Variants in LYN observed in about 807,000 individuals in gnomAD.
LYN encodes the protein tyrosine-protein kinase Lyn.
Under a neutral mutation model 65.0 loss-of-function variants are expected in LYN, and 12 were observed. That is an observed-to-expected ratio of 0.18 (90% confidence interval 0.12 to 0.30). LYN has a LOEUF of 0.30. Ranked by LOEUF, LYN falls within the 10% of genes least tolerant of loss-of-function variation. The pLI, the probability that LYN is intolerant of heterozygous loss-of-function variation, is 1.00. For missense variants in LYN, 380 were observed against 623.2 expected (o/e 0.61, Z 4.16); for synonymous variants, 222 against 221.2 (o/e 1.00, Z -0.03).
intron 10 of LYN, among the ~76,000 whole-genome samples, chr8:55,976,480 G>A (rs531577052): frequency 6.6e-6 from 1 of 152,268 alleles, no homozygotes; most frequent in South Asian, 2.1e-4. Flanking sequence ...GGTGTGGCCC[G>A]CTCCCTTTCA....
At chr8:55,929,584 C>G (rs932239455) in intron 1 of LYN, among the ~76,000 whole-genome samples, 1 of 152,180 alleles carries the variant, frequency 6.6e-6, no homozygotes, top group Non-Finnish European at 1.5e-5. Context: ...ATTAAAACAT[C>G]AGATTTCCTG....
chr8:55,977,353 A>G (rs1295781682), intron 10 of LYN, among the ~76,000 whole-genome samples: 3 of 152,214 alleles, frequency 2.0e-5, no homozygotes, highest in Non-Finnish European at 4.4e-5. Context: ...CTTTTAGTCA[A>G]AGTAGGCCTT....
At chr8:55,942,260 C>T (rs1276065777) in intron 2 of LYN, among the ~76,000 whole-genome samples, 3 of 150,140 alleles carry the variant, frequency 2.0e-5, no homozygotes, top group Admixed American at 2.0e-4. Context: ...GGTGCAAAGA[C>T]CCCACTATAT....
At position 55,967,407 on chromosome 8, in the gene LYN, C is replaced by T. The variant is rs185729119; in HGVS notation, c.973+510C>T. ...TCTGCTCACTGCAACCCCTGCCTCC[C>T]GGGTTCAAGCGATTCTCCTGCCTCG... On this transcript the variant is annotated intron_variant, in intron 9 of 12. Coordinates refer to ENST00000519728, the MANE Select transcript of LYN (RefSeq NM_002350.4). Among the ~76,000 whole-genome samples the T allele has an allele frequency of 4.0e-5, 6 of 148,982 alleles. No individual in the cohort carries two copies. In the East Asian group the frequency reaches 5.9e-4, roughly 15 times the overall value.
At chr8:55,923,347 A>T (rs1008718561) in intron 1 of LYN, among the ~76,000 whole-genome samples, 2 of 152,054 alleles carry the variant, frequency 1.3e-5, no homozygotes, top group Non-Finnish European at 2.9e-5. Flanking sequence ...ACATCTGCTC[A>T]GTTTCCGCCT....
intron 8 of LYN, among the ~76,000 whole-genome samples, chr8:55,965,774 GA>G: frequency 6.6e-6 from 1 of 152,232 alleles, no homozygotes; most frequent in South Asian, 2.1e-4. Context: ...AGCATATATA[GA>G]GTTTTGTTTT....
At chr8:55,910,562 A>C (rs1206363074) in intron 1 of LYN, among the ~76,000 whole-genome samples, 1 of 152,194 alleles carries the variant, frequency 6.6e-6, no homozygotes, top group Non-Finnish European at 1.5e-5. Context: ...TTGCAGAATA[A>C]TTTGAAGTCA....
chr8:55,952,152 AT>A, intron 7 of LYN, 37 bp downstream of exon 7: 1 of 1,527,188 alleles, frequency 6.5e-7, no homozygotes, highest in Admixed American at 2.2e-5. Context: ...GACAAGATAT[AT>A]TTGTTATGAT....
chr8:55,928,298 A>G (rs1806168174), intron 1 of LYN, among the ~76,000 whole-genome samples: 1 of 152,146 alleles, frequency 6.6e-6, no homozygotes, highest in Admixed American at 6.6e-5. Context: ...GGCAAGCGCC[A>G]CCACGCCCGG....
intron 10 of LYN, among the ~76,000 whole-genome samples, chr8:55,976,292 A>G (rs1055543924): frequency 3.4e-5 from 5 of 148,580 alleles, no homozygotes; most frequent in African/African-American, 5.0e-5. Context: ...ACACCACTAC[A>G]TTCCAGCCTG....
At chr8:55,987,099 A>AT (rs997185186) in intron 10 of LYN, among the ~76,000 whole-genome samples, 26 of 152,134 alleles carry the variant, frequency 1.7e-4, no homozygotes, top group African/African-American at 5.8e-4. Flanking sequence ...TGAGCATTGT[A>AT]TTTTTAGAAT....
In LYN at chr8:56,012,109, C is replaced by T. The variant is rs1245996060; in HGVS notation, c.*1999C>T. 2 of 191,026 alleles carry T rather than the reference C, an allele frequency of 1.0e-5. No homozygotes were observed. Among genetic ancestry groups the T allele is most frequent in the African/African-American group, 4.7e-5 (2 of 42,852 alleles). The allele number at this position is 191,026 out of a possible 1,614,324, so 11.8% of individuals were successfully genotyped here. On this transcript the variant is annotated 3_prime_UTR_variant, in exon 13 of 13. Coordinates refer to ENST00000519728, the MANE Select transcript of LYN (RefSeq NM_002350.4). ...CTCCCAATCAAGCCTGTGATCCTTA[C>T]CTCCATGTGGGCCCTTCACCAGCTT...
intron 8 of LYN, among the ~76,000 whole-genome samples, chr8:55,960,001 G>C (rs562156786): frequency 5.3e-5 from 8 of 152,186 alleles, no homozygotes; most frequent in Non-Finnish European, 1.2e-4. Flanking sequence ...TGGTTGCCTA[G>C]GGCTGGGGGG....
intron 10 of LYN, among the ~76,000 whole-genome samples, chr8:55,979,700 C>CA (rs1211343265): frequency 6.6e-6 from 1 of 152,202 alleles, no homozygotes; most frequent in Non-Finnish European, 1.5e-5. Context: ...GGCCTCCACC[C>CA]AGCACAGCTC....
At chr8:55,964,564 T>C (rs1326051716) in intron 8 of LYN, among the ~76,000 whole-genome samples, 2 of 152,216 alleles carry the variant, frequency 1.3e-5, no homozygotes, top group African/African-American at 4.8e-5. Flanking sequence ...AAAAAAATCA[T>C]TTTTTAAAAA....
In LYN at chr8:55,969,620, G is replaced by C. The variant is rs1458449183; in HGVS notation, c.974-97G>C. ...AGAATTGCAAAGCCAATCATTTTGT[G>C]GGGAGTTCCCCTGTAATAGTAATGA... On this transcript the variant is annotated intron_variant, in intron 9 of 12. Transcript: ENST00000519728. 15 of 913,406 alleles carry C rather than the reference G, an allele frequency of 1.6e-5. No homozygotes were observed. In the South Asian group the frequency reaches 1.8e-4, roughly 11 times the overall value. 56.6% of individuals were successfully genotyped at this position (913,406 alleles called of 1,614,324 possible).
At chr8:55,965,604 T>C (rs183656773) in intron 8 of LYN, among the ~76,000 whole-genome samples, 33 of 152,308 alleles carry the variant, frequency 2.2e-4, no homozygotes, top group Admixed American at 1.9e-3. Flanking sequence ...ATCACACCAT[T>C]GGAAATAACC....
chr8:55,975,378 T>C (rs1455610223), intron 10 of LYN, among the ~76,000 whole-genome samples: 1 of 152,204 alleles, frequency 6.6e-6, no homozygotes, highest in Non-Finnish European at 1.5e-5. Context: ...GGCACCAGTG[T>C]CCTCGTCTGT....
chr8:55,945,536 C>T (rs1806749197), intron 2 of LYN, among the ~76,000 whole-genome samples: 2 of 152,094 alleles, frequency 1.3e-5, no homozygotes, highest in Admixed American at 1.3e-4. Context: ...TGTTTTGGTC[C>T]CATTCTGTGA....
Sources: allele counts gnomAD v4.1 joint callset (sites outside exome capture counted in the v4.1 genomes callset), GRCh38; gene constraint gnomAD v4.1.1; transcripts MANE v1.5; gene names NCBI Gene and HGNC (gene_info 2026-07-23, HGNC 2026-07-21).